The following SLC44A5 variants were observed in gnomAD, a reference collection of about 807,000 sequenced individuals.
The protein encoded by SLC44A5 is choline transporter-like protein 5.
A neutral mutation model predicts 101.8 loss-of-function variants in SLC44A5; 57 were observed. The ratio of observed to expected loss-of-function variants is 0.56; its 90% CI spans 0.45 to 0.70. The LOEUF is 0.70. Ranked by LOEUF, SLC44A5 falls within the 30% of genes least tolerant of loss-of-function variation. The probability of loss-of-function intolerance (pLI) is 0.00; values close to 1 mark genes in which losing one functional copy is unlikely to be tolerated. For synonymous variants in SLC44A5, 281 were observed against 290.9 expected (o/e 0.97, Z 0.35); for missense variants, 737 against 853.1 (o/e 0.86, Z 1.70).
intron 3 of SLC44A5, among the ~76,000 whole-genome samples, chr1:75,372,703 T>A (rs1660309017): frequency 6.6e-6 from 1 of 152,192 alleles, no homozygotes; most frequent in Non-Finnish European, 1.5e-5. Context: ...GCTAAACTTT[T>A]CATGGTAATG....
At chr1:75,296,951 G>A (rs1654012824) in intron 5 of SLC44A5, among the ~76,000 whole-genome samples, 2 of 152,136 alleles carry the variant, frequency 1.3e-5, no homozygotes, top group Admixed American at 6.5e-5. Flanking sequence ...TGTTGACTGG[G>A]GCTTCAGAAA....
In SLC44A5 at chr1:75,564,216, C is replaced by T. The variant is rs528410589; in HGVS notation, c.-69-22700G>A. Among the ~76,000 whole-genome samples, 11 of 152,252 alleles carry T rather than the reference C, an allele frequency of 7.2e-5. No individual in the cohort carries two copies. In the East Asian group the frequency reaches 1.2e-3, roughly 16 times the overall value. ...ACTACTGTAATCTACTGTGCTAAAC[C>T]CAAAGAAGCAGTTTACAGGAAAATT... is the stretch of plus-strand genomic sequence containing the variant. On this transcript the variant is annotated intron_variant, in intron 1 of 23. Coordinates refer to ENST00000370859, the MANE Select transcript of SLC44A5 (RefSeq NM_001130058.2).
At chr1:75,531,052 T>G (rs574082119) in intron 2 of SLC44A5, among the ~76,000 whole-genome samples, 33 of 152,312 alleles carry the variant, frequency 2.2e-4, no homozygotes, top group Admixed American at 6.5e-4. Context: ...CTATTGCAGC[T>G]TTATCAAGAT....
chr1:75,678,537 C>T, the SLC44A5 span, among the ~76,000 whole-genome samples: 3 of 149,260 alleles, frequency 2.0e-5, no homozygotes, highest in Non-Finnish European at 4.5e-5. Flanking sequence ...TCCAACAGAC[C>T]TGCAGCTGAC....
At chr1:75,568,409 G>C (rs2102028433) in intron 1 of SLC44A5, among the ~76,000 whole-genome samples, 1 of 152,246 alleles carries the variant, frequency 6.6e-6, no homozygotes, top group African/African-American at 2.4e-5. Flanking sequence ...ATAGTGAGAG[G>C]ATAAATAGAA....
At chr1:75,278,145 T>A (rs192674184) in intron 5 of SLC44A5, among the ~76,000 whole-genome samples, 2 of 152,258 alleles carry the variant, frequency 1.3e-5, no homozygotes, top group East Asian at 3.9e-4. Context: ...CACATCATAT[T>A]TTAAAGACAT....
chr1:75,516,425 G>A (rs1669837747), intron 2 of SLC44A5, among the ~76,000 whole-genome samples: 1 of 152,158 alleles, frequency 6.6e-6, no homozygotes, highest in Admixed American at 6.5e-5. Context: ...GCTGAGGCAG[G>A]AGAATGGCGT....
chr1:75,458,881 G>GA (rs1410824839), intron 2 of SLC44A5, among the ~76,000 whole-genome samples: 1 of 152,086 alleles, frequency 6.6e-6, no homozygotes, highest in Non-Finnish European at 1.5e-5. Context: ...GGAACTGGTG[G>GA]AAAAAATGAG....
intron 2 of SLC44A5, among the ~76,000 whole-genome samples, chr1:75,478,930 C>A (rs976637833): frequency 2.6e-5 from 4 of 152,186 alleles, no homozygotes; most frequent in Non-Finnish European, 5.9e-5. Context: ...CTCTCCACCC[C>A]AAATCAACAG....
chr1:75,242,104 A>T, intron 8 of SLC44A5, 43 bp from the exon 9 acceptor site: 1 of 1,510,170 alleles, frequency 6.6e-7, no homozygotes, highest in Non-Finnish European at 9.2e-7. Flanking sequence ...AGGCCATGTG[A>T]TGATTACTTT....
intron 3 of SLC44A5, among the ~76,000 whole-genome samples, chr1:75,371,383 T>C (rs1007135279): frequency 6.6e-6 from 1 of 152,182 alleles, no homozygotes; most frequent in Non-Finnish European, 1.5e-5. Context: ...TTTAGATACA[T>C]TGAGTTAGCA....
chr1:75,266,430 A>C (rs2016605124), intron 6 of SLC44A5, among the ~76,000 whole-genome samples: 1 of 152,094 alleles, frequency 6.6e-6, no homozygotes, highest in African/African-American at 2.4e-5. Context: ...GCCTGGGTTA[A>C]ACAAGTAAAA....
intron 1 of SLC44A5, among the ~76,000 whole-genome samples, chr1:75,571,959 C>T (rs144760442): frequency 3.9e-5 from 6 of 152,070 alleles, no homozygotes; most frequent in Non-Finnish European, 7.4e-5. Context: ...ATCAGCAAAA[C>T]TAAGTGCTAG....
intron 1 of SLC44A5, among the ~76,000 whole-genome samples, chr1:75,574,652 T>TA (rs1673266475): frequency 6.6e-6 from 1 of 152,226 alleles, no homozygotes; most frequent in Non-Finnish European, 1.5e-5. Context: ...CCCTGCCCTC[T>TA]ACAGTATCAC....
chr1:75,692,236 C>T, the SLC44A5 span, among the ~76,000 whole-genome samples: 2 of 136,654 alleles, frequency 1.5e-5, no homozygotes, highest in Non-Finnish European at 3.1e-5. Flanking sequence ...CTCTGTTGCC[C>T]AGGCTGGAAT....
chr1:75,668,778 T>C, the SLC44A5 span, among the ~76,000 whole-genome samples: 1 of 151,470 alleles, frequency 6.6e-6, no homozygotes, highest in African/African-American at 2.4e-5. Context: ...GCAGATCACC[T>C]GAGGTCAGGA....
intron 1 of SLC44A5, among the ~76,000 whole-genome samples, chr1:75,586,616 CT>C (rs1674017056): frequency 6.6e-6 from 1 of 151,906 alleles, no homozygotes; most frequent in Non-Finnish European, 1.5e-5. Flanking sequence ...TAACTGACAC[CT>C]GTCTTCTAGG....
chr1:75,504,009 T>C (rs1359011275), intron 2 of SLC44A5, among the ~76,000 whole-genome samples: 1 of 151,948 alleles, frequency 6.6e-6, no homozygotes, highest in East Asian at 1.9e-4. Context: ...AGTGAGGGGA[T>C]TTTTTTTACT....
chr1:75,495,876 T>G (rs1366443670), intron 2 of SLC44A5, among the ~76,000 whole-genome samples: 1 of 152,172 alleles, frequency 6.6e-6, no homozygotes, highest in Non-Finnish European at 1.5e-5. Flanking sequence ...GATACAGGTA[T>G]GCAGTATGAA....
Sources: allele counts gnomAD v4.1 joint callset (sites outside exome capture counted in the v4.1 genomes callset), GRCh38; gene constraint gnomAD v4.1.1; transcripts MANE v1.5; gene names NCBI Gene and HGNC (gene_info 2026-07-23, HGNC 2026-07-21).